The following PBX3 variants were observed in gnomAD, a reference collection of about 807,000 sequenced individuals.
PBX3 encodes PBX homeobox 3.
PBX3 carries 14 observed loss-of-function variants against 48.5 expected under a neutral mutation model. That is an observed-to-expected ratio of 0.29 (90% confidence interval 0.19 to 0.45). The LOEUF (loss-of-function observed/expected upper bound fraction) is 0.45, where lower values mean the gene tolerates loss of function less well. Ranked by LOEUF, PBX3 falls within the 20% of genes least tolerant of loss-of-function variation. The pLI is 1.00. For missense variants in PBX3, 386 were observed against 546.7 expected (o/e 0.71, Z 2.93); for synonymous variants, 210 against 200.3 (o/e 1.05, Z -0.41).
chr9:125,787,274 G>A (rs981309209), intron 2 of PBX3, among the ~76,000 whole-genome samples: 1 of 152,066 alleles, frequency 6.6e-6, no homozygotes, highest in Non-Finnish European at 1.5e-5. Flanking sequence ...AAGTTTATAA[G>A]TGGGAATTGG....
intron 2 of PBX3, among the ~76,000 whole-genome samples, chr9:125,779,947 C>CA (rs1239895898): frequency 2.2e-4 from 26 of 116,638 alleles, no homozygotes; most frequent in African/African-American, 3.3e-4. Flanking sequence ...GCTGACCCCC[C>CA]ACCTCCCTCC....
intron 2 of PBX3, among the ~76,000 whole-genome samples, chr9:125,894,421 T>C (rs1215060813): frequency 2.0e-5 from 3 of 152,142 alleles, no homozygotes; most frequent in African/African-American, 7.2e-5. Context: ...TTTTTAACAG[T>C]TGGTCTCTGT....
At chr9:125,916,014 G>T in intron 3 of PBX3, 87 bp downstream of exon 3, 2 of 1,523,284 alleles carry the variant, frequency 1.3e-6, no homozygotes, top group Non-Finnish European at 1.8e-6. Context: ...GGGCTGTGAG[G>T]GGTAGGTGTT....
chr9:125,766,154 T>A (rs1196063567), intron 2 of PBX3, among the ~76,000 whole-genome samples: 4 of 152,106 alleles, frequency 2.6e-5, no homozygotes, highest in Admixed American at 6.5e-5. Context: ...GTAACATTTT[T>A]AAATAAATGC....
chr9:125,812,573 G>A (rs1838323730), intron 2 of PBX3, among the ~76,000 whole-genome samples: 1 of 152,224 alleles, frequency 6.6e-6, no homozygotes, highest in African/African-American at 2.4e-5. Context: ...GGACCTGAGC[G>A]TTTTCAGTTC....
At chr9:125,928,623 G>A (rs1841642017) in intron 3 of PBX3, among the ~76,000 whole-genome samples, 2 of 151,900 alleles carry the variant, frequency 1.3e-5, no homozygotes, top group Non-Finnish European at 1.5e-5. Flanking sequence ...CCGCCACCAC[G>A]GTGGGCTAAT....
intron 2 of PBX3, among the ~76,000 whole-genome samples, chr9:125,798,364 G>C (rs983031406): frequency 1.3e-4 from 20 of 151,964 alleles, no homozygotes; most frequent in African/African-American, 4.8e-4. Flanking sequence ...TATATTCTAA[G>C]CCACAATTGT....
intron 2 of PBX3, among the ~76,000 whole-genome samples, chr9:125,879,882 G>A (rs779325478): frequency 1.3e-5 from 2 of 152,110 alleles, no homozygotes; most frequent in Non-Finnish European, 2.9e-5. Flanking sequence ...GTCTGAAAAT[G>A]GTTTGAATAC....
chr9:125,786,808 T>A (rs1304338473), intron 2 of PBX3, among the ~76,000 whole-genome samples: 1 of 151,270 alleles, frequency 6.6e-6, no homozygotes, highest in Non-Finnish European at 1.5e-5. Context: ...CACTGCAACC[T>A]CTGCCTCCTG....
chr9:125,863,211 ATT>A (rs113830548), intron 2 of PBX3, among the ~76,000 whole-genome samples: 2 of 128,712 alleles, frequency 1.6e-5, no homozygotes. Context: ...ACATGACATG[ATT>A]TTTTTTTTTT....
intron 2 of PBX3, among the ~76,000 whole-genome samples, chr9:125,905,839 T>C (rs909540810): frequency 6.6e-6 from 1 of 152,040 alleles, no homozygotes; most frequent in African/African-American, 2.4e-5. Context: ...CATAGAAGTC[T>C]TGTTTGTGTT....
At chr9:125,873,409 T>C (rs1840174764) in intron 2 of PBX3, among the ~76,000 whole-genome samples, 1 of 152,148 alleles carries the variant, frequency 6.6e-6, no homozygotes, top group Admixed American at 6.5e-5. Flanking sequence ...CATTTTTTCC[T>C]CAAGAATATG....
chr9:125,886,446 ACT>A, intron 2 of PBX3, among the ~76,000 whole-genome samples: 1 of 152,260 alleles, frequency 6.6e-6, no homozygotes, highest in South Asian at 2.1e-4. Context: ...GTTTCAAATT[ACT>A]GCCCATGGAT....
chr9:125,792,042 ACACGCACGCACG>A (rs34328835), intron 2 of PBX3, among the ~76,000 whole-genome samples: 1,532 of 143,224 alleles, frequency 0.011, 29 homozygotes, highest in African/African-American at 0.036. Flanking sequence ...CTACACACAC[ACACGCACGCACG>A]CACGCACGCA....
At chr9:125,828,711 CAG>C (rs1434109663) in intron 2 of PBX3, among the ~76,000 whole-genome samples, 2 of 152,312 alleles carry the variant, frequency 1.3e-5, no homozygotes, top group African/African-American at 4.8e-5. Flanking sequence ...GGTCTTCTCA[CAG>C]ATTAAAAGTT....
At chr9:125,958,253 C>T (rs1463723677) in intron 5 of PBX3, among the ~76,000 whole-genome samples, 1 of 152,212 alleles carries the variant, frequency 6.6e-6, no homozygotes, top group Non-Finnish European at 1.5e-5. Context: ...GTCTGTTCCT[C>T]CTCCATAATA....
intron 2 of PBX3, among the ~76,000 whole-genome samples, chr9:125,754,368 A>G (rs1836454865): frequency 6.6e-6 from 1 of 152,134 alleles, no homozygotes. Context: ...TCAGTAGGCC[A>G]TTTGAGTCTT....
intron 3 of PBX3, among the ~76,000 whole-genome samples, chr9:125,917,103 T>A (rs2132472093): frequency 6.6e-6 from 1 of 152,304 alleles, no homozygotes; most frequent in African/African-American, 2.4e-5. Context: ...AGACATCCTA[T>A]AATTTCACCC....
intron 2 of PBX3, among the ~76,000 whole-genome samples, chr9:125,817,578 A>G (rs1200467784): frequency 2.0e-5 from 3 of 152,228 alleles, no homozygotes; most frequent in Non-Finnish European, 4.4e-5. Context: ...TTTATAATAC[A>G]CTTTGATAAC....
Sources: gnomAD v4.1 joint callset for allele counts (sites outside exome capture counted in the v4.1 genomes callset) on GRCh38, gnomAD v4.1.1 for gene constraint, MANE v1.5 for transcripts, NCBI Gene and HGNC (gene_info 2026-07-23, HGNC 2026-07-21) for gene names.